EYA2: variants seen among roughly 807,000 people sequenced by gnomAD.
The protein encoded by EYA2 is protein phosphatase EYA2.
Under a neutral mutation model 69.2 loss-of-function variants are expected in EYA2, and 31 were observed. That is an observed-to-expected ratio of 0.45 (90% confidence interval 0.34 to 0.60). The LOEUF is 0.60. EYA2 is among the 20% of genes least tolerant of loss of function. EYA2 has a pLI of 0.02. For missense variants in EYA2, 622 were observed against 701.2 expected (o/e 0.89, Z 1.28); for synonymous variants, 257 against 279.4 (o/e 0.92, Z 0.80).
intron 10 of EYA2, among the ~76,000 whole-genome samples, chr20:47,145,544 A>G (rs551396720): frequency 3.3e-5 from 5 of 152,184 alleles, no homozygotes; most frequent in East Asian, 1.9e-4. Flanking sequence ...GAAAAGCCAC[A>G]TGGTCTGGGT....
intron 3 of EYA2, among the ~76,000 whole-genome samples, chr20:47,001,757 G>A (rs1289588955): frequency 6.6e-6 from 1 of 150,642 alleles, no homozygotes; most frequent in African/African-American, 2.4e-5. Flanking sequence ...CAGAGTCTTA[G>A]CTATTATTTT....
At chr20:47,018,819 G>C (rs1157597095) in intron 5 of EYA2, among the ~76,000 whole-genome samples, 1 of 152,236 alleles carries the variant, frequency 6.6e-6, no homozygotes. Flanking sequence ...TGACTTGCCT[G>C]AAACCGCAGA....
chr20:47,060,114 G>T (rs1031901133), intron 5 of EYA2, among the ~76,000 whole-genome samples: 1 of 152,198 alleles, frequency 6.6e-6, no homozygotes, highest in African/African-American at 2.4e-5. Flanking sequence ...TTCTTATGGG[G>T]CAGAGGTTGG....
At chr20:47,162,254 C>G (rs2034083595) in intron 10 of EYA2, among the ~76,000 whole-genome samples, 1 of 152,150 alleles carries the variant, frequency 6.6e-6, no homozygotes, top group Admixed American at 6.5e-5. Flanking sequence ...AATAAGGTCA[C>G]ATTCAACATC....
In EYA2 at chr20:47,188,684, CTA is replaced by C. The variant is rs1344883212; in HGVS notation, c.*553_*554del. The C allele has an allele frequency of 1.5e-5, 4 of 258,298 alleles. No individual in the cohort carries two copies. The highest frequency in any genetic ancestry group is 4.9e-5 in the Admixed American group (1 of 20,470). The allele number at this position is 258,298 out of a possible 1,614,324, so 16.0% of individuals were successfully genotyped here. On this transcript the variant is annotated 3_prime_UTR_variant, in exon 16 of 16. Coordinates refer to ENST00000327619, the MANE Select transcript of EYA2 (RefSeq NM_005244.5). ...AAGGCAGTTCAAGCTGTTGAAAAGA[CTA>C]TTGCTTATTTTTGTTTTTAAAGACC... is the stretch of plus-strand genomic sequence containing the variant.
intron 5 of EYA2, among the ~76,000 whole-genome samples, chr20:47,031,845 A>G (rs1984437411): frequency 6.6e-6 from 1 of 152,120 alleles, no homozygotes; most frequent in South Asian, 2.1e-4. Flanking sequence ...GAGTGGAATG[A>G]GAAAAAGGAA....
At chr20:47,093,524 G>C (rs979589288) in intron 8 of EYA2, among the ~76,000 whole-genome samples, 1 of 152,360 alleles carries the variant, frequency 6.6e-6, no homozygotes, top group Non-Finnish European at 1.5e-5. Flanking sequence ...CGCGCAGCCG[G>C]CTCTCCCTTG....
intron 1 of EYA2, among the ~76,000 whole-genome samples, chr20:46,912,461 T>C (rs931852615): frequency 2.0e-5 from 3 of 152,196 alleles, no homozygotes; most frequent in African/African-American, 7.2e-5. Context: ...CACATATTTA[T>C]TGAACACTTC....
At chr20:47,108,806 C>T (rs1185848311) in intron 9 of EYA2, among the ~76,000 whole-genome samples, 2 of 152,066 alleles carry the variant, frequency 1.3e-5, no homozygotes, top group Non-Finnish European at 2.9e-5. Context: ...CCTCCCCCCT[C>T]AGCTTTCCAA....
chr20:46,907,182 C>G (rs1259909657), intron 1 of EYA2, among the ~76,000 whole-genome samples: 2 of 152,176 alleles, frequency 1.3e-5, no homozygotes, highest in Non-Finnish European at 2.9e-5. Flanking sequence ...GTCTAGAAAT[C>G]ATATCTTCCT....
intron 11 of EYA2, among the ~76,000 whole-genome samples, chr20:47,171,797 A>G (rs917570105): frequency 1.6e-4 from 25 of 152,110 alleles, no homozygotes; most frequent in Admixed American, 4.6e-4. Context: ...CACTTTTTCA[A>G]GAATAAATCT....
chr20:46,959,174 G>A (rs184361214), intron 1 of EYA2, among the ~76,000 whole-genome samples: 1 of 152,340 alleles, frequency 6.6e-6, no homozygotes, highest in East Asian at 1.9e-4. Context: ...AGATGCTCAG[G>A]AAATAAATAT....
chr20:47,089,447 G>A, intron 8 of EYA2, 66 bp downstream of exon 8: 1 of 1,526,886 alleles, frequency 6.5e-7, no homozygotes. Context: ...AACAAGAGTG[G>A]GGACAGAGTT....
chr20:46,948,656 A>G (rs895332083), intron 1 of EYA2, among the ~76,000 whole-genome samples: 1 of 152,224 alleles, frequency 6.6e-6, no homozygotes, highest in African/African-American at 2.4e-5. Context: ...TTCAAGATGC[A>G]TACGTTATTG....
At chr20:47,168,442 G>C (rs2034251570) in intron 10 of EYA2, among the ~76,000 whole-genome samples, 1 of 152,056 alleles carries the variant, frequency 6.6e-6, no homozygotes, top group Non-Finnish European at 1.5e-5. Flanking sequence ...CCACCCGCCT[G>C]TCTCCCACAG....
At chr20:46,901,147 TC>T (rs1984083802) in intron 1 of EYA2, 1 of 152,168 alleles carries the variant, frequency 6.6e-6, no homozygotes. Flanking sequence ...AGGCTGAAAT[TC>T]TGGTCTCCTC....
chr20:47,050,966 G>A (rs1449970564), intron 5 of EYA2, among the ~76,000 whole-genome samples: 1 of 152,246 alleles, frequency 6.6e-6, no homozygotes, highest in East Asian at 1.9e-4. Context: ...CATTGCCATG[G>A]GAGGTCATTT....
intron 5 of EYA2, among the ~76,000 whole-genome samples, chr20:47,062,058 C>T (rs565724967): frequency 3.9e-4 from 59 of 152,286 alleles, no homozygotes; most frequent in African/African-American, 1.4e-3. Context: ...CCCAAGGCAG[C>T]GTCTCAAAAC....
intron 1 of EYA2, among the ~76,000 whole-genome samples, chr20:46,950,272 G>C (rs535143219): frequency 1.2e-3 from 180 of 152,262 alleles, no homozygotes; most frequent in Middle Eastern, 3.4e-3. Context: ...ATCTGCAGGG[G>C]GACCTTGCAG....
Sources: gnomAD v4.1 joint callset for allele counts (sites outside exome capture counted in the v4.1 genomes callset) on GRCh38, gnomAD v4.1.1 for gene constraint, MANE v1.5 for transcripts, NCBI Gene and HGNC (gene_info 2026-07-23, HGNC 2026-07-21) for gene names.